Variants in SRGAP2C observed in about 807,000 individuals in gnomAD.
The protein encoded by SRGAP2C is SLIT-ROBO Rho GTPase activating protein 2C.
In SRGAP2C, 15 loss-of-function variants were observed where a neutral mutation model predicts 25.1. The observed-to-expected ratio is 0.60, with a 90% CI of 0.40 to 0.92. The LOEUF is 0.92. SRGAP2C is among the 40% of genes least tolerant of loss of function. The probability of loss-of-function intolerance (pLI) is 0.00; values close to 1 mark genes in which losing one functional copy is unlikely to be tolerated. For missense variants in SRGAP2C, 144 were observed against 264.4 expected, an observed-to-expected ratio of 0.54 and a Z score of 3.16; for synonymous variants, 44 against 96.6, an observed-to-expected ratio of 0.46 and a Z score of 3.19.
At chr1:121,329,854 A>G (rs1658396284) in intron 4 of SRGAP2C, among the ~76,000 whole-genome samples, 1 of 152,334 alleles carries the variant, frequency 6.6e-6, no homozygotes, top group Non-Finnish European at 1.5e-5. Context: ...GACTTTGTCT[A>G]GGACAAGAGG....
intron 4 of SRGAP2C, among the ~76,000 whole-genome samples, chr1:121,343,467 G>C (rs1412966454): frequency 1.4e-4 from 21 of 147,130 alleles, no homozygotes; most frequent in Non-Finnish European, 3.1e-4. Context: ...CACTGGATGG[G>C]CTTCCTACCC....
chr1:121,255,459 G>A lies in SRGAP2C; in HGVS notation c.68-29344G>A, dbSNP rs587755424. Among the ~76,000 whole-genome samples the A allele has an allele frequency of 1.5e-3, 232 of 151,306 alleles. 9 individuals carry two copies. The highest frequency in any genetic ancestry group is 2.7e-3 in the Non-Finnish European group (185 of 67,796). On this transcript the variant is annotated intron_variant, in intron 2 of 9. Transcript: ENST00000367123. ...TTTTTTTTTTCTATCCCTTCATTCC[G>A]TTGATTCTGATGTCCTAGTATTTTT... is the stretch of plus-strand genomic sequence containing the variant.
At chr1:121,375,969 G>A (rs1659635258) in intron 7 of SRGAP2C, among the ~76,000 whole-genome samples, 1 of 150,746 alleles carries the variant, frequency 6.6e-6, no homozygotes, top group Non-Finnish European at 1.5e-5. Context: ...CGGTTAATAG[G>A]CACATGTGTT....
chr1:121,218,534 T>C (rs1216264810), intron 2 of SRGAP2C, among the ~76,000 whole-genome samples: 3 of 128,726 alleles, frequency 2.3e-5, no homozygotes, highest in African/African-American at 9.6e-5. Context: ...CTTAAAAATA[T>C]GTAAATGCCA....
At chr1:121,203,227 C>T in intron 2 of SRGAP2C, among the ~76,000 whole-genome samples, 2 of 151,986 alleles carry the variant, frequency 1.3e-5, no homozygotes, top group South Asian at 4.2e-4. Context: ...TACACAAGTA[C>T]AGTGATAGGG....
intron 2 of SRGAP2C, among the ~76,000 whole-genome samples, chr1:121,266,402 C>T (rs1206330074): frequency 2.0e-5 from 3 of 151,546 alleles, no homozygotes; most frequent in African/African-American, 7.3e-5. Context: ...GCAAAACCAC[C>T]ATGGCCTAGA....
intron 3 of SRGAP2C, among the ~76,000 whole-genome samples, chr1:121,291,134 G>A (rs1657483518): frequency 7.6e-6 from 1 of 130,762 alleles, no homozygotes. Flanking sequence ...AGTGGGGGGA[G>A]TGGAAAGGAA....
intron 8 of SRGAP2C, among the ~76,000 whole-genome samples, chr1:121,385,925 C>T (rs1553356282): frequency 6.6e-6 from 1 of 150,700 alleles, no homozygotes; most frequent in Non-Finnish European, 1.5e-5. Context: ...AAAATGATGG[C>T]TCTTTGGAAA....
At chr1:121,218,816 A>T (rs1213733263) in intron 2 of SRGAP2C, among the ~76,000 whole-genome samples, 2 of 152,002 alleles carry the variant, frequency 1.3e-5, no homozygotes, top group Non-Finnish European at 2.9e-5. Flanking sequence ...GCTTTTTCTT[A>T]AAGTGTGGAT....
At chr1:121,267,894 A>C (rs1418120691) in intron 2 of SRGAP2C, among the ~76,000 whole-genome samples, 2 of 151,766 alleles carry the variant, frequency 1.3e-5, no homozygotes, top group East Asian at 3.9e-4. Flanking sequence ...TTTTTTAAAA[A>C]AGTAAATACT....
intron 2 of SRGAP2C, among the ~76,000 whole-genome samples, chr1:121,212,199 C>A (rs1184638483): frequency 9.4e-6 from 1 of 106,442 alleles, no homozygotes; most frequent in Non-Finnish European, 1.8e-5. Context: ...GGTGCGATCT[C>A]GGCTCACTGC....
At chr1:121,235,639 TTTA>T (rs1481271885) in intron 2 of SRGAP2C, among the ~76,000 whole-genome samples, 3 of 59,812 alleles carry the variant, frequency 5.0e-5, no homozygotes, top group South Asian at 4.1e-4. Flanking sequence ...TTTTTTTTTT[TTTA>T]GGAGGGGGTT....
At chr1:121,329,643 T>A (rs1182309030) in intron 4 of SRGAP2C, among the ~76,000 whole-genome samples, 2 of 142,322 alleles carry the variant, frequency 1.4e-5, no homozygotes, top group African/African-American at 2.6e-5. Context: ...TTAGCTAATT[T>A]AGGGATGTCA....
chr1:121,306,810 G>A (rs1185202405), intron 3 of SRGAP2C, among the ~76,000 whole-genome samples: 6 of 152,142 alleles, frequency 3.9e-5, no homozygotes, highest in African/African-American at 1.4e-4. Context: ...CTCTGGAACA[G>A]TGACTTTAAA....
intron 2 of SRGAP2C, among the ~76,000 whole-genome samples, chr1:121,280,287 A>G (rs1246112116): frequency 6.6e-6 from 1 of 151,086 alleles, no homozygotes; most frequent in Non-Finnish European, 1.5e-5. Flanking sequence ...CATAATAAGA[A>G]AAAATGATAG....
At position 121,288,714 on chromosome 1, in the gene SRGAP2C, A is replaced by T. The variant is rs1475660133; in HGVS notation, c.260+3719A>T. On this transcript the variant is annotated intron_variant, in intron 3 of 9. Coordinates refer to ENST00000367123, the MANE Select transcript of SRGAP2C (RefSeq NM_001329984.2). The stretch of plus-strand genomic sequence containing the variant: ...TGTATTTACAATCTCTGAGCTAGAC[A>T]TAAAGGTTCTCCACATCCTCACCAG... Among the ~76,000 whole-genome samples the T allele has an allele frequency of 1.1e-4, 7 of 61,046 alleles. 2 individuals carry two copies. Among genetic ancestry groups the T allele is most frequent in the Non-Finnish European group, 6.7e-5 (2 of 29,690 alleles). The allele number at this position is 61,046 out of a possible 152,430, so 40.0% of individuals were successfully genotyped here. A position where few individuals can be genotyped will look rare whatever the true frequency, so the allele number is the denominator to read the frequency against.
chr1:121,211,430 C>CAT (rs1655252904), intron 2 of SRGAP2C, among the ~76,000 whole-genome samples: 1 of 135,210 alleles, frequency 7.4e-6, no homozygotes, highest in Non-Finnish European at 1.6e-5. Context: ...CACACACACA[C>CAT]ACACACACAC....
intron 2 of SRGAP2C, among the ~76,000 whole-genome samples, chr1:121,198,346 A>G (rs1346029952): frequency 3.1e-4 from 43 of 139,174 alleles, no homozygotes; most frequent in African/African-American, 1.2e-3. Flanking sequence ...TAATCAGTGG[A>G]GAGGTGACCC....
intron 2 of SRGAP2C, among the ~76,000 whole-genome samples, chr1:121,279,330 G>A (rs1657189449): frequency 1.3e-5 from 2 of 149,846 alleles, no homozygotes; most frequent in South Asian, 4.2e-4. Flanking sequence ...GAAAGAAAGG[G>A]ATCTCTGGAT....
Sources: gnomAD v4.1 joint callset for allele counts (sites outside exome capture counted in the v4.1 genomes callset) on GRCh38, gnomAD v4.1.1 for gene constraint, MANE v1.5 for transcripts, NCBI Gene and HGNC (gene_info 2026-07-23, HGNC 2026-07-21) for gene names.